The following SPG7 variants were observed in gnomAD, a reference collection of about 807,000 sequenced individuals.
SPG7 encodes SPG7 matrix AAA peptidase subunit, paraplegin.
A neutral mutation model predicts 81.9 loss-of-function variants in SPG7; 103 were observed. The observed-to-expected ratio is 1.26, with a 90% CI of 1.07 to 1.48. SPG7 has a LOEUF of 1.48. SPG7 is among the 40% of genes most tolerant of loss of function. The pLI is 0.00. For synonymous variants in SPG7, 534 were observed against 444.2 expected (o/e 1.20, Z -2.54); for missense variants, 1,241 against 1,087.3 (o/e 1.14, Z -1.99).
chr16:89,551,846 G>A (rs1303647915), intron 13 of SPG7: 1 of 152,158 alleles, frequency 6.6e-6, no homozygotes, highest in African/African-American at 2.4e-5. Context: ...AGCCAAGACT[G>A]TGCCACTGTA....
chr16:89,511,948 G>A (rs946565250), intron 2 of SPG7, among the ~76,000 whole-genome samples: 5 of 152,018 alleles, frequency 3.3e-5, no homozygotes, highest in Admixed American at 3.3e-4. Flanking sequence ...GTCTTGCTCT[G>A]TCTCCCAGGC....
intron 5 of SPG7, chr16:89,526,680 G>C (rs549041981): frequency 1.1e-4 from 61 of 537,556 alleles, no homozygotes; most frequent in Admixed American, 2.3e-4. Flanking sequence ...GCTGGTTCTC[G>C]GACTTCCCAA....
At chr16:89,523,945 A>T in intron 3 of SPG7, 61 bp from the exon 4 acceptor site, 1 of 1,599,930 alleles carries the variant, frequency 6.3e-7, no homozygotes, top group African/African-American at 1.3e-5. Flanking sequence ...GAAGCTCTGG[A>T]TGTCGCCCGT....
intron 16 of SPG7, chr16:89,554,898 A>T: frequency 3.7e-6 from 1 of 269,464 alleles, no homozygotes; most frequent in South Asian, 4.3e-5. Context: ...CAAAGCTTTA[A>T]TTTTAGAGTA....
At chr16:89,515,741 C>T (rs985011298) in intron 3 of SPG7, among the ~76,000 whole-genome samples, 3 of 151,038 alleles carry the variant, frequency 2.0e-5, no homozygotes, top group African/African-American at 7.3e-5. Flanking sequence ...TGGGGTCTCG[C>T]TCTGTCGCCA....
chr16:89,545,640 C>T (rs968689619), intron 10 of SPG7: 4 of 244,546 alleles, frequency 1.6e-5, no homozygotes, highest in Admixed American at 5.9e-5. Context: ...CAGGGGATGG[C>T]AGCTTCTCCA....
intron 6 of SPG7, chr16:89,530,355 A>G (rs1567912189): frequency 2.6e-6 from 1 of 389,080 alleles, no homozygotes; most frequent in East Asian, 6.2e-5. Flanking sequence ...CGTGTTAGCC[A>G]GGGTGGTCTC....
chr16:89,518,893 G>T (rs1350363243), intron 3 of SPG7: 1 of 152,426 alleles, frequency 6.6e-6, no homozygotes, highest in East Asian at 1.9e-4. Flanking sequence ...CGTCGTGGTG[G>T]GAGAGCCTGG....
chr16:89,516,805 C>G (rs2058102932), intron 3 of SPG7: 1 of 150,876 alleles, frequency 6.6e-6, no homozygotes, highest in South Asian at 2.1e-4. Flanking sequence ...GCGAAGCTTG[C>G]AGTGAGCCGA....
At chr16:89,511,620 C>G (rs1297741476) in intron 2 of SPG7, among the ~76,000 whole-genome samples, 2 of 152,198 alleles carry the variant, frequency 1.3e-5, no homozygotes, top group African/African-American at 4.8e-5. Context: ...CTCCTTAAGC[C>G]TGAGGTGACA....
intron 1 of SPG7, among the ~76,000 whole-genome samples, chr16:89,509,959 C>G (rs562650106): frequency 9.3e-5 from 14 of 151,098 alleles, no homozygotes; most frequent in Non-Finnish European, 1.9e-4. Context: ...TGGCCACTAT[C>G]GTGATTTTTT....
At chr16:89,529,899 G>A (rs186532721) in intron 6 of SPG7, 52 of 382,930 alleles carry the variant, frequency 1.4e-4, no homozygotes, top group African/African-American at 2.7e-4. Flanking sequence ...GAGTGCAGCC[G>A]TGCGATCTCA....
At chr16:89,531,540 A>G (rs2152403203) in intron 7 of SPG7, 1 of 318,766 alleles carries the variant, frequency 3.1e-6, no homozygotes, top group Non-Finnish European at 6.1e-6. Context: ...TGCACGGCTA[A>G]TTTTTGTATT....
chr16:89,532,126 C>T, intron 8 of SPG7, 60 bp downstream of exon 8: 3 of 1,495,554 alleles, frequency 2.0e-6, no homozygotes, highest in Non-Finnish European at 2.8e-6. Context: ...TCCTTTCACA[C>T]ATCCTTCCTC....
chr16:89,549,604 G>T (rs902990893), intron 12 of SPG7: 6 of 243,606 alleles, frequency 2.5e-5, no homozygotes, highest in Non-Finnish European at 4.9e-5. Flanking sequence ...GGAGGTTGAA[G>T]CAACAGTGAG....
At chr16:89,537,187 G>A (rs929687610) in intron 9 of SPG7, 25 of 1,434,912 alleles carry the variant, frequency 1.7e-5, no homozygotes, top group Admixed American at 2.8e-5. Flanking sequence ...TAGGGCCGAC[G>A]CTGTGCCGGT....
rs773061622 is a variant in SPG7, at chr16:89,548,146, C to T, written c.1663+33C>T. On this transcript the variant is annotated intron_variant, in intron 12 of 16. Coordinates refer to ENST00000645818, the MANE Select transcript of SPG7 (RefSeq NM_003119.4). ...GGGCGCGCCCTGGGTGAAGGCCCTC[C>T]TTAGCAGGGCTTGAACCCCAGAAAT... 12 of 1,446,888 alleles carry T rather than the reference C, an allele frequency of 8.3e-6. No individual in the cohort carries two copies. The East Asian group carries it at 2.5e-4, about 30-fold the overall frequency. The allele number at this position is 1,446,888 out of a possible 1,614,324, so 89.6% of individuals were successfully genotyped here.
intron 14 of SPG7, 188 bp from the exon 15 acceptor site, chr16:89,553,606 G>C: frequency 1.6e-6 from 1 of 612,250 alleles, no homozygotes; most frequent in South Asian, 1.9e-5. Context: ...ATTTCGGAAA[G>C]TTTTAAGACT....
chr16:89,557,311 C>G lies in SPG7; in HGVS notation c.*218C>G. ...GTCCTGTGTTTGTGAGTCGTTTCCC[C>G]TATGGGGAAGGTTATCAGTGCTTCC... On this transcript the variant is annotated 3_prime_UTR_variant, in exon 17 of 17. Coordinates refer to ENST00000645818, the MANE Select transcript of SPG7 (RefSeq NM_003119.4). 1.7e-6 allele frequency: 1 copy of G among 580,206 alleles called. No homozygotes were observed. The highest frequency in any genetic ancestry group is 3.0e-5 in the Admixed American group (1 of 33,478). 35.9% of individuals were successfully genotyped at this position (580,206 alleles called of 1,614,324 possible).
Sources: gnomAD v4.1 joint callset for allele counts (sites outside exome capture counted in the v4.1 genomes callset) on GRCh38, gnomAD v4.1.1 for gene constraint, MANE v1.5 for transcripts, NCBI Gene and HGNC (gene_info 2026-07-23, HGNC 2026-07-21) for gene names.